Variants in FSD1L observed in about 807,000 individuals in gnomAD.
The protein encoded by FSD1L is FSD1-like protein.
A neutral mutation model predicts 71.6 loss-of-function variants in FSD1L; 45 were observed. The ratio of observed to expected loss-of-function variants is 0.63; its 90% CI spans 0.49 to 0.81. The LOEUF is 0.81. FSD1L is among the 30% of genes least tolerant of loss of function. The pLI is 0.00. For synonymous variants in FSD1L, 197 were observed against 207.2 expected, an observed-to-expected ratio of 0.95 and a Z score of 0.42; for missense variants, 561 against 618.1, an observed-to-expected ratio of 0.91 and a Z score of 0.98.
At chr9:105,473,585 A>G (rs1831610314) in intron 5 of FSD1L, among the ~76,000 whole-genome samples, 1 of 152,174 alleles carries the variant, frequency 6.6e-6, no homozygotes. Context: ...GGAGTAGGGC[A>G]GTTGTTAATG....
At chr9:105,464,166 G>C in intron 2 of FSD1L, 70 bp from the exon 3 acceptor site, 1 of 788,292 alleles carries the variant, frequency 1.3e-6, no homozygotes, top group Non-Finnish European at 2.1e-6. Context: ...TTTGTTTAGA[G>C]AATGCTTGTT....
At chr9:105,529,677 G>T (rs1835768764) in intron 10 of FSD1L, among the ~76,000 whole-genome samples, 1 of 151,946 alleles carries the variant, frequency 6.6e-6, no homozygotes, top group Admixed American at 6.6e-5. Flanking sequence ...TAGGTGACCG[G>T]TTGATGAGTG....
intron 3 of FSD1L, among the ~76,000 whole-genome samples, chr9:105,465,575 A>G (rs1357151795): frequency 1.3e-5 from 2 of 152,226 alleles, no homozygotes; most frequent in African/African-American, 4.8e-5. Flanking sequence ...AGTAGGATTT[A>G]TGCCTGGGAT....
At chr9:105,536,722 G>A (rs1836288364) in intron 12 of FSD1L, among the ~76,000 whole-genome samples, 1 of 152,048 alleles carries the variant, frequency 6.6e-6, no homozygotes, top group Non-Finnish European at 1.5e-5. Context: ...TGCAACCTCT[G>A]CCTCCCATGT....
chr9:105,468,470 A>G (rs992516215), intron 4 of FSD1L, 146 bp downstream of exon 4: 3 of 601,082 alleles, frequency 5.0e-6, no homozygotes, highest in Non-Finnish European at 5.2e-6. Context: ...TAAGTATTCT[A>G]AAATTGTTGT....
chr9:105,510,389 T>C (rs1258823086), intron 9 of FSD1L, among the ~76,000 whole-genome samples: 1 of 152,332 alleles, frequency 6.6e-6, no homozygotes, highest in East Asian at 1.9e-4. Context: ...TTAGTGGGGC[T>C]ACTAATGAGA....
intron 4 of FSD1L, among the ~76,000 whole-genome samples, chr9:105,469,956 C>A (rs1355135330): frequency 6.6e-6 from 1 of 151,984 alleles, no homozygotes; most frequent in Admixed American, 6.6e-5. Context: ...AAGTAAGGGA[C>A]CTACTTTATT....
upstream of FSD1L, among the ~76,000 whole-genome samples, chr9:105,445,357 T>C (rs775909668): frequency 1.3e-5 from 2 of 152,154 alleles, no homozygotes; most frequent in East Asian, 3.8e-4. Flanking sequence ...GTCTGCTGGC[T>C]GGGCTACAGG....
chr9:105,545,569 A>G (rs1836940946), intron 13 of FSD1L, among the ~76,000 whole-genome samples: 1 of 151,510 alleles, frequency 6.6e-6, no homozygotes, highest in Admixed American at 6.6e-5. Context: ...TTTGTCATAA[A>G]TAGCTCTTAT....
intron 5 of FSD1L, among the ~76,000 whole-genome samples, chr9:105,476,731 T>TGTG (rs1831828947): frequency 6.6e-6 from 1 of 152,206 alleles, no homozygotes; most frequent in East Asian, 1.9e-4. Context: ...TGTATAGTAT[T>TGTG]GTGTATCTTT....
At chr9:105,477,907 A>C (rs1831916593) in intron 5 of FSD1L, among the ~76,000 whole-genome samples, 2 of 152,184 alleles carry the variant, frequency 1.3e-5, no homozygotes, top group Admixed American at 1.3e-4. Context: ...TCAACTGATT[A>C]ATAGTAATGC....
At chr9:105,515,900 C>T (rs1057251880) in intron 10 of FSD1L, among the ~76,000 whole-genome samples, 13 of 151,864 alleles carry the variant, frequency 8.6e-5, no homozygotes, top group Admixed American at 2.6e-4. Flanking sequence ...TCTGGCTGGG[C>T]GGGTCCCACC....
chr9:105,531,559 A>C (rs1356794161), intron 10 of FSD1L, among the ~76,000 whole-genome samples: 1 of 152,206 alleles, frequency 6.6e-6, no homozygotes, highest in Non-Finnish European at 1.5e-5. Flanking sequence ...TTCTCTAGTT[A>C]CAAAAGTAAT....
At chr9:105,451,003 C>G (rs1195697611) in intron 1 of FSD1L, among the ~76,000 whole-genome samples, 1 of 152,170 alleles carries the variant, frequency 6.6e-6, no homozygotes, top group Non-Finnish European at 1.5e-5. Context: ...GTGGCCCAGG[C>G]TGGAGTAGTG....
chr9:105,453,968 C>G (rs1830212269), intron 1 of FSD1L, among the ~76,000 whole-genome samples: 1 of 152,138 alleles, frequency 6.6e-6, no homozygotes, highest in Non-Finnish European at 1.5e-5. Context: ...GTTATTGATG[C>G]TTGTTGATTG....
intron 10 of FSD1L, chr9:105,521,553 A>T: frequency 6.2e-7 from 1 of 1,613,832 alleles, no homozygotes; most frequent in Non-Finnish European, 8.5e-7. Context: ...AAAAGTGGTA[A>T]AAGTATATCA....
chr9:105,445,659 G>C (rs1829625737), upstream of FSD1L, among the ~76,000 whole-genome samples: 1 of 152,128 alleles, frequency 6.6e-6, no homozygotes, highest in Non-Finnish European at 1.5e-5. Flanking sequence ...CACGCAGTCT[G>C]GTGAGTAGAC....
At chr9:105,501,566 G>A (rs1404105875) in intron 7 of FSD1L, among the ~76,000 whole-genome samples, 1 of 151,666 alleles carries the variant, frequency 6.6e-6, no homozygotes, top group African/African-American at 2.4e-5. Flanking sequence ...AGGACTACAG[G>A]TGCATGCCAC....
At chr9:105,496,853 G>C (rs575135944) in intron 7 of FSD1L, among the ~76,000 whole-genome samples, 1 of 152,278 alleles carries the variant, frequency 6.6e-6, no homozygotes, top group South Asian at 2.1e-4. Context: ...TTCCCAACCT[G>C]AATACCTTGT....
Sources: gnomAD v4.1 joint callset for allele counts (sites outside exome capture counted in the v4.1 genomes callset) on GRCh38, gnomAD v4.1.1 for gene constraint, MANE v1.5 for transcripts, NCBI Gene and HGNC (gene_info 2026-07-23, HGNC 2026-07-21) for gene names.